SCP2: variants seen among roughly 807,000 people sequenced by gnomAD.
SCP2 encodes sterol carrier protein 2, also known as SCP-2/3-oxoacyl-CoA thiolase.
SCP2 carries 48 observed loss-of-function variants against 71.4 expected under a neutral mutation model. That is an observed-to-expected ratio of 0.67 (90% CI 0.53 to 0.86). The LOEUF is 0.86. Ranked by LOEUF, SCP2 falls within the 40% of genes least tolerant of loss-of-function variation. SCP2 has a pLI of 0.00. For missense variants in SCP2, 560 were observed against 655.6 expected, an observed-to-expected ratio of 0.85 and a Z score of 1.59; for synonymous variants, 220 against 218.1, an observed-to-expected ratio of 1.01 and a Z score of -0.08.
intron 13 of SCP2, among the ~76,000 whole-genome samples, chr1:53,036,909 G>A (rs1346255904): frequency 6.6e-6 from 1 of 152,038 alleles, no homozygotes; most frequent in Non-Finnish European, 1.5e-5. Flanking sequence ...TTGGGAGGCT[G>A]AGGCAGTGGA....
chr1:53,020,689 T>TC (rs1661653471), intron 12 of SCP2, among the ~76,000 whole-genome samples: 1 of 152,106 alleles, frequency 6.6e-6, no homozygotes, highest in African/African-American at 2.4e-5. Context: ...GGGGAACATA[T>TC]CCAACTCATT....
intron 2 of SCP2, among the ~76,000 whole-genome samples, chr1:52,945,777 G>A (rs1654730472): frequency 6.9e-6 from 1 of 145,230 alleles, no homozygotes; most frequent in African/African-American, 2.8e-5. Context: ...ATTTTTGTTG[G>A]ACATTTAGGT....
chr1:53,048,227 G>A (rs1663961580), intron 15 of SCP2: 3 of 388,940 alleles, frequency 7.7e-6, no homozygotes, highest in South Asian at 4.2e-5. Flanking sequence ...GTCAGGGGAG[G>A]ATGAAGGCAG....
In SCP2 at chr1:52,974,852, G is replaced by T; in HGVS notation, c.587+20G>T. On this transcript the variant is annotated intron_variant, in intron 7 of 15. Transcript: ENST00000371514. ...TAACCCGTAAGTATTTCAGAGACAT[G>T]AAATAATGAAAATCTGGGTTATCCT... 2 of 1,205,496 alleles carry T rather than the reference G, an allele frequency of 1.7e-6. No homozygotes were observed. The highest frequency in any genetic ancestry group is 2.4e-5 in the South Asian group (2 of 82,618). 74.7% of individuals were successfully genotyped at this position (1,205,496 alleles called of 1,614,324 possible). A position where few individuals can be genotyped will look rare whatever the true frequency, so the allele number is the denominator to read the frequency against.
Position 53,048,072 on chromosome 1 carries a change from G to A in SCP2, c.1548+135G>A, listed in dbSNP as rs140436060. The A allele has an allele frequency of 7.1e-5, 50 of 703,116 alleles. 1 individual carries two copies. Among genetic ancestry groups the A allele is most frequent in the African/African-American group, 6.5e-4 (37 of 56,874 alleles). The allele number at this position is 703,116 out of a possible 1,614,324, so 43.6% of individuals were successfully genotyped here. ...AGTGTTCCCCAAACAGTTGACAGAC[G>A]TCTGTGGAGCAAGCTGTGTGCCACA... On this transcript the variant is annotated intron_variant, in intron 15 of 15. Transcript: ENST00000371514.
chr1:53,008,967 G>A (rs1321170674), intron 11 of SCP2, among the ~76,000 whole-genome samples: 1 of 152,128 alleles, frequency 6.6e-6, no homozygotes, highest in Non-Finnish European at 1.5e-5. Context: ...AAAATCACAA[G>A]CATTCCTATA....
intron 12 of SCP2, among the ~76,000 whole-genome samples, chr1:53,017,137 A>G (rs991539618): frequency 3.9e-5 from 6 of 152,216 alleles, no homozygotes; most frequent in Admixed American, 1.3e-4. Context: ...GAGAATAGGT[A>G]TGTATTCTAT....
chr1:52,998,266 CA>C (rs1257585256), intron 11 of SCP2, among the ~76,000 whole-genome samples: 3 of 152,040 alleles, frequency 2.0e-5, no homozygotes, highest in Non-Finnish European at 4.4e-5. Flanking sequence ...TAACCTGGAG[CA>C]AAATTTCTGG....
At position 52,996,508 on chromosome 1, in the gene SCP2, T is replaced by C. The variant is rs139299573; in HGVS notation, c.1081+8372T>C. Among the ~76,000 whole-genome samples the C allele has an allele frequency of 1.1e-3, 175 of 152,278 alleles. 3 individuals are homozygous for C. The East Asian group carries it at 0.032, about 28-fold the overall frequency. ...AAATCCAGGCTATTAAAGTCATAAT[T>C]TCCAGGTATTTCTATTTTCCATTTC... On this transcript the variant is annotated intron_variant, in intron 11 of 15. Coordinates refer to ENST00000371514, the MANE Select transcript of SCP2 (RefSeq NM_002979.5).
At chr1:52,939,999 C>T (rs1254198426) in intron 1 of SCP2, among the ~76,000 whole-genome samples, 3 of 152,102 alleles carry the variant, frequency 2.0e-5, no homozygotes, top group Non-Finnish European at 4.4e-5. Context: ...AAGAAATTGC[C>T]GAACTTCCTA....
chr1:52,957,718 G>T (rs1017009535), intron 5 of SCP2, among the ~76,000 whole-genome samples: 2 of 152,146 alleles, frequency 1.3e-5, no homozygotes, highest in African/African-American at 4.8e-5. Flanking sequence ...TGCCTTTTGT[G>T]GTGTATCTAA....
intron 4 of SCP2, among the ~76,000 whole-genome samples, chr1:52,951,264 A>G (rs1304119911): frequency 1.3e-5 from 2 of 152,012 alleles, no homozygotes; most frequent in Non-Finnish European, 1.5e-5. Context: ...CTTGGGTGAT[A>G]GAGCCAGACC....
chr1:52,977,748 G>T (rs1183223187), intron 8 of SCP2, among the ~76,000 whole-genome samples: 1 of 152,148 alleles, frequency 6.6e-6, no homozygotes, highest in Admixed American at 6.5e-5. Flanking sequence ...ATCACCTGAG[G>T]TTGGGAGTTC....
chr1:52,976,658 T>C, intron 7 of SCP2, 25 bp from the exon 8 acceptor site: 1 of 1,141,914 alleles, frequency 8.8e-7, no homozygotes, highest in Non-Finnish European at 1.3e-6. Flanking sequence ...TCACATTCTG[T>C]AACTAATATT....
chr1:53,010,129 C>T (rs1482339111), intron 11 of SCP2, among the ~76,000 whole-genome samples: 1 of 152,158 alleles, frequency 6.6e-6, no homozygotes, highest in African/African-American at 2.4e-5. Context: ...CAGGAAACAA[C>T]AGGTGCTGGA....
intron 5 of SCP2, among the ~76,000 whole-genome samples, chr1:52,957,914 A>G (rs1442534390): frequency 1.4e-5 from 2 of 142,278 alleles, no homozygotes; most frequent in African/African-American, 5.4e-5. Flanking sequence ...TTTCCATTAT[A>G]TTGCCTTTGC....
At chr1:53,003,961 C>T (rs2150213391) in intron 11 of SCP2, among the ~76,000 whole-genome samples, 1 of 152,318 alleles carries the variant, frequency 6.6e-6, no homozygotes, top group South Asian at 2.1e-4. Context: ...CTTGTATGCA[C>T]ATCTGAATCG....
chr1:52,960,742 G>GTA (rs1553146019), intron 5 of SCP2, among the ~76,000 whole-genome samples: 21 of 149,232 alleles, frequency 1.4e-4, no homozygotes, highest in African/African-American at 4.3e-4. Flanking sequence ...GTGTGTGTGT[G>GTA]TATATTTATT....
At chr1:52,938,153 C>T (rs1377129952) in intron 1 of SCP2, among the ~76,000 whole-genome samples, 2 of 152,142 alleles carry the variant, frequency 1.3e-5, no homozygotes, top group East Asian at 3.8e-4. Flanking sequence ...CTGATTTCAG[C>T]TGGTTTATTT....
Sources: allele counts gnomAD v4.1 joint callset (sites outside exome capture counted in the v4.1 genomes callset), GRCh38; gene constraint gnomAD v4.1.1; transcripts MANE v1.5; gene names NCBI Gene and HGNC (gene_info 2026-07-23, HGNC 2026-07-21).